The following COL19A1 variants were observed in gnomAD, a reference collection of about 807,000 sequenced individuals.
COL19A1 encodes collagen type XIX alpha 1 chain.
COL19A1 carries 159 observed loss-of-function variants against 190.2 expected under a neutral mutation model. That is an observed-to-expected ratio of 0.84 (90% CI 0.73 to 0.95). The LOEUF is 0.95. Ranked by LOEUF, COL19A1 falls within the 40% of genes least tolerant of loss-of-function variation. The pLI is 0.00. For synonymous variants in COL19A1, 509 were observed against 458.9 expected, an observed-to-expected ratio of 1.11 and a Z score of -1.39; for missense variants, 1,418 against 1,431.9, an observed-to-expected ratio of 0.99 and a Z score of 0.16.
In COL19A1 at chr6:69,936,835, T is replaced by A; in HGVS notation, c.798T>A (p.Ala266=). Residue 266 remains alanine (A), a synonymous_variant, in exon 8 of 51, where the codon GCT becomes GCA. Coordinates refer to ENST00000620364, the MANE Select transcript of COL19A1 (RefSeq NM_001858.6). ...FGNIASSWVT[A]HASKMSSYLP... ...ATATTGCATCATCATGGGTAACTGCTCATGCCAGTAAAATGTCTTCATATC... is the reference window on the plus strand; with the variant it reads ...ATATTGCATCATCATGGGTAACTGCACATGCCAGTAAAATGTCTTCATATC... 1 of 1,613,170 alleles carries A rather than the reference T, an allele frequency of 6.2e-7. No homozygotes were observed. Among genetic ancestry groups the A allele is most frequent in the Non-Finnish European group, 8.5e-7 (1 of 1,179,310 alleles).
intron 47 of COL19A1, among the ~76,000 whole-genome samples, chr6:70,188,801 T>C (rs1392600404): frequency 1.1e-4 from 17 of 152,128 alleles, no homozygotes; most frequent in African/African-American, 3.9e-4. Context: ...GAGTGGTGAG[T>C]GGCTATTCTG....
chr6:70,031,489 T>C (rs1047330630), intron 12 of COL19A1, among the ~76,000 whole-genome samples: 3 of 152,152 alleles, frequency 2.0e-5, no homozygotes, highest in African/African-American at 7.2e-5. Flanking sequence ...GTCTTTGTTA[T>C]CTATTTTTAC....
chr6:70,185,763 A>G (rs1055260649), intron 46 of COL19A1, among the ~76,000 whole-genome samples: 4 of 152,192 alleles, frequency 2.6e-5, no homozygotes, highest in Non-Finnish European at 5.9e-5. Flanking sequence ...TAATTCTATT[A>G]AGGGTTGCTA....
At chr6:69,999,802 C>A (rs977863575) in intron 11 of COL19A1, among the ~76,000 whole-genome samples, 1 of 152,076 alleles carries the variant, frequency 6.6e-6, no homozygotes, top group Admixed American at 6.6e-5. Context: ...AGAACAGTTA[C>A]GTTGTGTAAC....
intron 8 of COL19A1, 133 bp downstream of exon 8, chr6:69,937,043 G>C (rs1408458293): frequency 5.4e-6 from 7 of 1,288,502 alleles, no homozygotes; most frequent in Non-Finnish European, 7.4e-6. Context: ...AGTTACTGGG[G>C]TGGGTTAAGA....
intron 4 of COL19A1, among the ~76,000 whole-genome samples, chr6:69,909,460 G>T (rs559852193): frequency 6.6e-6 from 1 of 152,118 alleles, no homozygotes; most frequent in Admixed American, 6.6e-5. Context: ...TTATATTTGG[G>T]ATGATAAAAA....
At chr6:69,905,610 A>T (rs1017996746) in intron 4 of COL19A1, among the ~76,000 whole-genome samples, 1 of 152,236 alleles carries the variant, frequency 6.6e-6, no homozygotes, top group Non-Finnish European at 1.5e-5. Flanking sequence ...TGGCCTTCCC[A>T]TGTTATGGCT....
intron 2 of COL19A1, among the ~76,000 whole-genome samples, chr6:69,880,693 T>C (rs559568707): frequency 2.6e-5 from 4 of 152,338 alleles, no homozygotes; most frequent in East Asian, 1.9e-4. Context: ...ACATGAAAGT[T>C]TGAATATTCT....
chr6:69,935,550 A>G (rs1207505295), intron 7 of COL19A1, among the ~76,000 whole-genome samples: 6 of 152,028 alleles, frequency 3.9e-5, no homozygotes, highest in Non-Finnish European at 8.8e-5. Flanking sequence ...TAGACTTTCA[A>G]ATTTGGGAAC....
At chr6:69,985,283 CTT>C (rs1776252234) in intron 11 of COL19A1, among the ~76,000 whole-genome samples, 1 of 152,268 alleles carries the variant, frequency 6.6e-6, no homozygotes, top group African/African-American at 2.4e-5. Flanking sequence ...GAGGAAGAGA[CTT>C]TAAGAGAATC....
At chr6:69,911,810 C>T (rs907365400) in intron 4 of COL19A1, among the ~76,000 whole-genome samples, 1 of 152,198 alleles carries the variant, frequency 6.6e-6, no homozygotes, top group Non-Finnish European at 1.5e-5. Flanking sequence ...TTCAGTGCTC[C>T]TCTCCACAGT....
chr6:70,164,897 T>C (rs1765039812), intron 36 of COL19A1, among the ~76,000 whole-genome samples: 1 of 152,166 alleles, frequency 6.6e-6, no homozygotes, highest in Non-Finnish European at 1.5e-5. Context: ...CAAGAAAAAC[T>C]TTACAGTTTA....
At chr6:70,035,855 T>G (rs1219525843) in intron 13 of COL19A1, 49 bp from the exon 14 acceptor site, 1 of 1,498,298 alleles carries the variant, frequency 6.7e-7, no homozygotes, top group Admixed American at 1.7e-5. Flanking sequence ...ATAAATAATG[T>G]GCAAAAAGGG....
intron 15 of COL19A1, among the ~76,000 whole-genome samples, chr6:70,083,276 C>T (rs1160922726): frequency 1.1e-4 from 16 of 151,976 alleles, no homozygotes; most frequent in Admixed American, 1.0e-3. Context: ...TTAATGAGTG[C>T]CATAGGGAAT....
intron 14 of COL19A1, among the ~76,000 whole-genome samples, chr6:70,063,390 A>G (rs544755347): frequency 5.3e-5 from 8 of 152,368 alleles, no homozygotes; most frequent in African/African-American, 1.9e-4. Flanking sequence ...TGCTGGGTAC[A>G]TAATGAAATG....
chr6:69,939,845 GGAA>G (rs996350586), intron 9 of COL19A1, among the ~76,000 whole-genome samples: 2 of 151,920 alleles, frequency 1.3e-5, no homozygotes, highest in African/African-American at 4.8e-5. Context: ...TATCTGCAAC[GGAA>G]GGTGTTCTCA....
At chr6:69,919,507 G>T (rs1771555028) in intron 4 of COL19A1, among the ~76,000 whole-genome samples, 1 of 151,928 alleles carries the variant, frequency 6.6e-6, no homozygotes, top group Non-Finnish European at 1.5e-5. Flanking sequence ...CTGTAATACA[G>T]AAAACTTTTA....
chr6:69,964,437 A>AT (rs1167884294), intron 11 of COL19A1, among the ~76,000 whole-genome samples: 1 of 152,292 alleles, frequency 6.6e-6, no homozygotes, highest in East Asian at 1.9e-4. Context: ...ATTAAGTGGG[A>AT]TTTTACCTGT....
At chr6:70,179,554 A>C (rs1416865431) in intron 42 of COL19A1, among the ~76,000 whole-genome samples, 1 of 152,212 alleles carries the variant, frequency 6.6e-6, no homozygotes, top group Non-Finnish European at 1.5e-5. Context: ...TGGCTTTTCA[A>C]ATCAAACATG....
Sources: gnomAD v4.1 joint callset for allele counts (sites outside exome capture counted in the v4.1 genomes callset) on GRCh38, gnomAD v4.1.1 for gene constraint, MANE v1.5 for transcripts, NCBI Gene and HGNC (gene_info 2026-07-23, HGNC 2026-07-21) for gene names.